CLSTN2: variants seen among roughly 807,000 people sequenced by gnomAD.
The protein encoded by CLSTN2 is calsyntenin-2.
CLSTN2 carries 48 observed loss-of-function variants against 101.2 expected under a neutral mutation model. That is an observed-to-expected ratio of 0.47 (90% CI 0.38 to 0.60). The LOEUF is 0.60. Ranked by LOEUF, CLSTN2 falls within the 20% of genes least tolerant of loss-of-function variation. The pLI is 0.00. For missense variants in CLSTN2, 1,160 were observed against 1,238.2 expected, an observed-to-expected ratio of 0.94 and a Z score of 0.95; for synonymous variants, 481 against 463.6, an observed-to-expected ratio of 1.04 and a Z score of -0.48.
chr3:140,272,538 A>G (rs370813144), intron 2 of CLSTN2, among the ~76,000 whole-genome samples: 1 of 152,212 alleles, frequency 6.6e-6, no homozygotes, highest in Admixed American at 6.5e-5. Context: ...TCACCTGAGG[A>G]TGGGAGTTCG....
At chr3:140,178,481 T>G (rs2010357944) in intron 2 of CLSTN2, among the ~76,000 whole-genome samples, 1 of 152,198 alleles carries the variant, frequency 6.6e-6, no homozygotes, top group Non-Finnish European at 1.5e-5. Flanking sequence ...AGCCAAGTCT[T>G]GAGTAGTTAT....
At chr3:140,322,662 C>T (rs1461484046) in intron 2 of CLSTN2, among the ~76,000 whole-genome samples, 2 of 152,196 alleles carry the variant, frequency 1.3e-5, no homozygotes, top group Admixed American at 1.3e-4. Flanking sequence ...GTGAAAGAGA[C>T]AGTGTTTGAA....
At chr3:140,149,767 A>G (rs929468770) in intron 1 of CLSTN2, among the ~76,000 whole-genome samples, 8 of 152,170 alleles carry the variant, frequency 5.3e-5, no homozygotes, top group African/African-American at 1.9e-4. Context: ...AATAAATAGC[A>G]TTTTTTAGTA....
intron 2 of CLSTN2, among the ~76,000 whole-genome samples, chr3:140,270,670 T>C (rs1440128681): frequency 3.3e-5 from 5 of 152,156 alleles, no homozygotes; most frequent in African/African-American, 7.2e-5. Flanking sequence ...GTTCACCTTA[T>C]AGGTCTGTGG....
intron 1 of CLSTN2, among the ~76,000 whole-genome samples, chr3:140,122,007 TA>T (rs1398318948): frequency 1.2e-4 from 18 of 152,308 alleles, no homozygotes; most frequent in African/African-American, 4.3e-4. Context: ...GTAATAGCTT[TA>T]GGGGGAGTGA....
At position 140,427,200 on chromosome 3, in the gene CLSTN2, T is replaced by A. The variant is rs1247153032; in HGVS notation, c.787+5926T>A. On this transcript the variant is annotated intron_variant, in intron 5 of 16. Transcript: ENST00000458420. Reference sequence around the variant, plus strand: ...AAAAAAAAAAATATATATATATATATATATGTGTATATATATATATATATG... The same window carrying A: ...AAAAAAAAAAATATATATATATATAAATATGTGTATATATATATATATATG... Among the ~76,000 whole-genome samples the A allele has an allele frequency of 1.9e-4, 15 of 77,744 alleles. 2 individuals carry two copies. Among genetic ancestry groups the A allele is most frequent in the African/African-American group, 1.2e-3 (14 of 11,890 alleles). 51.0% of individuals were successfully genotyped at this position (77,744 alleles called of 152,430 possible). A position where few individuals can be genotyped will look rare whatever the true frequency, so the allele number is the denominator to read the frequency against.
chr3:140,310,051 G>T (rs1415204667), intron 2 of CLSTN2, among the ~76,000 whole-genome samples: 1 of 151,944 alleles, frequency 6.6e-6, no homozygotes, highest in Non-Finnish European at 1.5e-5. Flanking sequence ...AGCCTTCTCT[G>T]GTTTCCCTTT....
At position 140,301,199 on chromosome 3, in the gene CLSTN2, C is replaced by T. The variant is rs1469692306; in HGVS notation, c.233-102430C>T. ...CCAGAAATAATGTTTAGTCTGGGCA[C>T]CCCTTGTCAGCTTGACACATATACT... is the stretch of plus-strand genomic sequence containing the variant. On this transcript the variant is annotated intron_variant, in intron 2 of 16. Transcript: ENST00000458420. Among the ~76,000 whole-genome samples, 4 of 152,168 alleles carry T rather than the reference C, an allele frequency of 2.6e-5. No individual in the cohort carries two copies. The South Asian group carries it at 6.2e-4, about 24-fold the overall frequency.
intron 1 of CLSTN2, among the ~76,000 whole-genome samples, chr3:140,040,891 G>T (rs1023917972): frequency 2.0e-5 from 3 of 150,762 alleles, no homozygotes; most frequent in African/African-American, 4.9e-5. Context: ...AGGGCCTTGT[G>T]GTAAATCTGT....
chr3:140,203,357 A>T (rs961057455), intron 2 of CLSTN2, among the ~76,000 whole-genome samples: 2 of 150,714 alleles, frequency 1.3e-5, no homozygotes, highest in African/African-American at 2.4e-5. Context: ...TAAAAAGGTG[A>T]TAGTGAGGCA....
chr3:140,129,252 A>G (rs574254386), intron 1 of CLSTN2, among the ~76,000 whole-genome samples: 2 of 152,204 alleles, frequency 1.3e-5, no homozygotes, highest in East Asian at 1.9e-4. Context: ...ATGTACCCAT[A>G]CTCTTTCATG....
intron 1 of CLSTN2, among the ~76,000 whole-genome samples, chr3:140,058,292 C>T (rs1381676663): frequency 1.3e-5 from 2 of 152,188 alleles, no homozygotes; most frequent in East Asian, 1.9e-4. Flanking sequence ...GTGAAATTCT[C>T]AAGGGAAAGC....
intron 1 of CLSTN2, among the ~76,000 whole-genome samples, chr3:140,133,850 A>C (rs1355658735): frequency 6.6e-6 from 1 of 152,194 alleles, no homozygotes; most frequent in Admixed American, 6.6e-5. Context: ...CCTGAGCAGT[A>C]GCCTGAGCAT....
intron 1 of CLSTN2, among the ~76,000 whole-genome samples, chr3:140,122,856 A>G (rs543714368): frequency 6.6e-6 from 1 of 152,178 alleles, no homozygotes; most frequent in African/African-American, 2.4e-5. Flanking sequence ...CTTTTATAAT[A>G]CTTCGTAAAG....
chr3:140,104,144 G>T (rs2009014111), intron 1 of CLSTN2, among the ~76,000 whole-genome samples: 1 of 152,190 alleles, frequency 6.6e-6, no homozygotes, highest in African/African-American at 2.4e-5. Context: ...AGTTAGTGAG[G>T]ATATCTTTCC....
At chr3:140,244,655 G>A (rs1260616143) in intron 2 of CLSTN2, among the ~76,000 whole-genome samples, 1 of 152,034 alleles carries the variant, frequency 6.6e-6, no homozygotes, top group African/African-American at 2.4e-5. Flanking sequence ...TAAGAAAATG[G>A]CCTCTCTCCA....
intron 1 of CLSTN2, among the ~76,000 whole-genome samples, chr3:140,101,176 G>T (rs1047234938): frequency 3.3e-5 from 5 of 152,116 alleles, no homozygotes; most frequent in African/African-American, 1.2e-4. Flanking sequence ...AATAAATGAA[G>T]CCATGTTCCT....
intron 2 of CLSTN2, among the ~76,000 whole-genome samples, chr3:140,262,530 T>TG (rs1221728174): frequency 2.2e-4 from 34 of 152,270 alleles, no homozygotes; most frequent in South Asian, 6.2e-4. Flanking sequence ...GTAATATTGT[T>TG]GATGGGGAGT....
intron 2 of CLSTN2, among the ~76,000 whole-genome samples, chr3:140,342,058 G>C (rs1418424993): frequency 6.6e-6 from 1 of 152,148 alleles, no homozygotes; most frequent in Non-Finnish European, 1.5e-5. Context: ...GTTATACCTT[G>C]TCATACATAG....
Sources: gnomAD v4.1 joint callset for allele counts (sites outside exome capture counted in the v4.1 genomes callset) on GRCh38, gnomAD v4.1.1 for gene constraint, MANE v1.5 for transcripts, NCBI Gene and HGNC (gene_info 2026-07-23, HGNC 2026-07-21) for gene names.